Variants in P2RY14 observed in about 807,000 individuals in gnomAD.
The protein encoded by P2RY14 is purinergic receptor P2Y14.
A neutral mutation model predicts 0.9 loss-of-function variants in P2RY14; 2 were observed. That is an observed-to-expected ratio of 2.16 (90% CI 0.88 to 6.79). The LOEUF (loss-of-function observed/expected upper bound fraction) is 6.79. Ranked by LOEUF, P2RY14 falls within the 30% of genes most tolerant of loss-of-function variation. The probability of loss-of-function intolerance (pLI) is 0.05; values close to 1 mark genes in which losing one functional copy is unlikely to be tolerated. For missense variants in P2RY14, 378 were observed against 400.1 expected, an observed-to-expected ratio of 0.94 and a Z score of 0.47; for synonymous variants, 158 against 147.2, an observed-to-expected ratio of 1.07 and a Z score of -0.53.
intron 1 of P2RY14, among the ~76,000 whole-genome samples, chr3:151,235,501 C>T (rs367588795): frequency 3.3e-5 from 5 of 152,032 alleles, no homozygotes; most frequent in Non-Finnish European, 5.9e-5. Flanking sequence ...GTCAGGAGAT[C>T]GAGACCATCA....
At chr3:151,226,762 C>A (rs1730577673) in intron 1 of P2RY14, among the ~76,000 whole-genome samples, 1 of 152,132 alleles carries the variant, frequency 6.6e-6, no homozygotes, top group Non-Finnish European at 1.5e-5. Context: ...AGAGAACCTC[C>A]TTTTGATTTG....
chr3:151,258,556 T>C (rs185312536), intron 1 of P2RY14, among the ~76,000 whole-genome samples: 5 of 152,318 alleles, frequency 3.3e-5, no homozygotes, highest in African/African-American at 1.2e-4. Context: ...TCTAGGGCTG[T>C]GGTGCATCCT....
At chr3:151,240,541 G>A (rs750254477) in intron 1 of P2RY14, among the ~76,000 whole-genome samples, 13 of 152,166 alleles carry the variant, frequency 8.5e-5, no homozygotes, top group Non-Finnish European at 1.6e-4. Context: ...GGGTCACAGA[G>A]GTGAAAGAGC....
chr3:151,226,393 G>A (rs532172213), intron 1 of P2RY14, among the ~76,000 whole-genome samples: 5 of 152,282 alleles, frequency 3.3e-5, no homozygotes, highest in African/African-American at 7.2e-5. Flanking sequence ...AAACGTTTAC[G>A]TTACAAATGA....
chr3:151,258,570 G>A lies in P2RY14; in HGVS notation c.-133+19717C>T, dbSNP rs1468319678. 2.0e-5 allele frequency among the ~76,000 whole-genome samples: 3 copies of A among 152,050 alleles called. No homozygotes were observed. The East Asian group carries it at 5.8e-4, about 29-fold the overall frequency. On this transcript the variant is annotated intron_variant, in intron 1 of 2. Coordinates refer to ENST00000309170, the MANE Select transcript of P2RY14 (RefSeq NM_014879.4). ...CTCTAGGGCTGTGGTGCATCCTGAG[G>A]AACTTGAGGATTTTCCTTTTCTACC... is the stretch of plus-strand genomic sequence containing the variant.
intron 2 of P2RY14, among the ~76,000 whole-genome samples, chr3:151,218,866 CAAAAAAAAAAAAAAAAA>C (rs397686351): frequency 5.6e-5 from 4 of 71,336 alleles, no homozygotes; most frequent in East Asian, 4.2e-4. Flanking sequence ...GACTCAGTCT[CAAAAAAAAAAAAAAAAA>C]AAAAAAAAAA....
Position 151,213,373 on chromosome 3 carries a change from T to C in P2RY14, c.944A>G (p.Lys315Arg), listed in dbSNP as rs1727511757. The change falls in exon 3 of 3, where the codon AAA becomes AGA. Residue 315 changes from lysine (K) to arginine (R), a missense_variant. Lys to Arg is a conservative substitution (Grantham distance 26, BLOSUM62 2). Transcript: ENST00000309170. ...GGAAATGTCTAGGTCATTCTGAGCT[T>C]TTAATGGAATGTGCAATTTCTTACA... ...ILCKKLHIPL[K>R]AQNDLDISRI... The C allele has an allele frequency of 6.2e-7, 1 of 1,613,830 alleles. No individual in the cohort carries two copies. The highest frequency in any genetic ancestry group is 1.7e-5 in the Admixed American group (1 of 59,988).
In P2RY14 at chr3:151,243,063, A is replaced by C. The variant is rs542263943; in HGVS notation, c.-132-23421T>G. Among the ~76,000 whole-genome samples the C allele has an allele frequency of 1.7e-3, 262 of 151,306 alleles. 1 individual carries two copies. Among genetic ancestry groups the C allele is most frequent in the African/African-American group, 6.1e-3 (252 of 41,352 alleles). On this transcript the variant is annotated intron_variant, in intron 1 of 2. Coordinates refer to ENST00000309170, the MANE Select transcript of P2RY14 (RefSeq NM_014879.4). ...AAATGAAGCGAGAAGGGAAGTTTAG[A>C]GAAAAAAGAATAAAAAGAAATGAGC... is the stretch of plus-strand genomic sequence containing the variant.
At chr3:151,226,480 G>A (rs866126133) in intron 1 of P2RY14, among the ~76,000 whole-genome samples, 7 of 152,196 alleles carry the variant, frequency 4.6e-5, no homozygotes, top group African/African-American at 1.7e-4. Context: ...TCAAACTAAT[G>A]TCTGATTGAT....
intron 1 of P2RY14, 139 bp downstream of exon 1, chr3:151,278,148 A>G (rs1479683911): frequency 1.3e-5 from 2 of 152,356 alleles, no homozygotes; most frequent in East Asian, 3.9e-4. Context: ...TCAAACAAAA[A>G]GTAACCTACT....
At chr3:151,239,139 A>C (rs1733547853) in intron 1 of P2RY14, among the ~76,000 whole-genome samples, 1 of 152,248 alleles carries the variant, frequency 6.6e-6, no homozygotes, top group South Asian at 2.1e-4. Context: ...GTAGAATGAA[A>C]AGTGTTTATA....
rs767294306 is a variant in P2RY14 at position 151,214,275 on chromosome 3, G to A, written c.42C>T (p.Cys14=). ...STSTQPPDES[C]SQNLLITQQI... The stretch of plus-strand genomic sequence containing the variant: ...GCTGAGTGATCAGGAGGTTCTGAGA[G>A]CAGGATTCATCTGGAGGCTGTGTGG... Residue 14 remains cysteine, a synonymous_variant, in exon 3 of 3, where the codon TGC becomes TGT. Transcript: ENST00000309170. The A allele has an allele frequency of 6.2e-6, 10 of 1,613,858 alleles. No individual in the cohort carries two copies. The Admixed American group carries it at 1.7e-4, about 27-fold the overall frequency.
chr3:151,216,715 C>G (rs887430610), intron 2 of P2RY14, among the ~76,000 whole-genome samples: 1 of 152,132 alleles, frequency 6.6e-6, no homozygotes, highest in Admixed American at 6.5e-5. Context: ...TGGGTTTGTA[C>G]TCATTTGCTT....
chr3:151,254,740 G>A (rs1737505290), intron 1 of P2RY14, among the ~76,000 whole-genome samples: 1 of 152,202 alleles, frequency 6.6e-6, no homozygotes, highest in Non-Finnish European at 1.5e-5. Context: ...GGAGATTCGT[G>A]TTGACAAATG....
chr3:151,269,850 G>T (rs1430936381), intron 1 of P2RY14: 4 of 451,326 alleles, frequency 8.9e-6, no homozygotes, highest in African/African-American at 4.1e-5. Context: ...AGTAAAGTCA[G>T]CAGGAAGAGG....
chr3:151,230,923 G>C (rs1421560501), intron 1 of P2RY14, among the ~76,000 whole-genome samples: 1 of 152,114 alleles, frequency 6.6e-6, no homozygotes, highest in Non-Finnish European at 1.5e-5. Flanking sequence ...ACTGATTTCC[G>C]ATCAGGTACA....
At chr3:151,269,590 C>A in intron 1 of P2RY14, 1 of 316,920 alleles carries the variant, frequency 3.2e-6, no homozygotes, top group Non-Finnish European at 6.2e-6. Context: ...CAGCCATCCA[C>A]AAGTGTCTAC....
chr3:151,221,087 T>A (rs186603309), intron 1 of P2RY14, among the ~76,000 whole-genome samples: 3 of 152,180 alleles, frequency 2.0e-5, no homozygotes, highest in Admixed American at 2.0e-4. Context: ...GTGATTCTTG[T>A]TATGTTTTAG....
chr3:151,227,534 T>C (rs1235590755), intron 1 of P2RY14, among the ~76,000 whole-genome samples: 1 of 152,248 alleles, frequency 6.6e-6, no homozygotes. Flanking sequence ...AGACTGCAAG[T>C]CTAGCATATT....
Sources: allele counts gnomAD v4.1 joint callset (sites outside exome capture counted in the v4.1 genomes callset), GRCh38; gene constraint gnomAD v4.1.1; transcripts MANE v1.5; gene names NCBI Gene and HGNC (gene_info 2026-07-23, HGNC 2026-07-21).